The following RNF150 variants were observed in gnomAD, a reference collection of about 807,000 sequenced individuals.
The protein encoded by RNF150 is ring finger protein 150.
A neutral mutation model predicts 39.3 loss-of-function variants in RNF150; 24 were observed. The ratio of observed to expected loss-of-function variants is 0.61; its 90% CI spans 0.44 to 0.86. The LOEUF (loss-of-function observed/expected upper bound fraction) is 0.86, where lower values mean the gene tolerates loss of function less well. Ranked by LOEUF, RNF150 falls within the 40% of genes least tolerant of loss-of-function variation. RNF150 has a pLI of 0.00. For missense variants in RNF150, 502 were observed against 587.8 expected (o/e 0.85, Z 1.51); for synonymous variants, 255 against 227.3 (o/e 1.12, Z -1.10).
At chr4:141,070,281 G>C (rs1029895014) in intron 1 of RNF150, among the ~76,000 whole-genome samples, 22 of 152,084 alleles carry the variant, frequency 1.4e-4, no homozygotes, top group Non-Finnish European at 2.8e-4. Context: ...AAAAACCTTA[G>C]AAGAAAACCT....
At chr4:140,940,262 T>C (rs1009761131) in intron 4 of RNF150, among the ~76,000 whole-genome samples, 3 of 152,216 alleles carry the variant, frequency 2.0e-5, no homozygotes, top group Non-Finnish European at 2.9e-5. Context: ...GCTCCTTGTA[T>C]ACAACTTTAT....
chr4:141,078,230 T>A (rs1041533986), intron 1 of RNF150, among the ~76,000 whole-genome samples: 1 of 152,118 alleles, frequency 6.6e-6, no homozygotes, highest in Non-Finnish European at 1.5e-5. Context: ...TGGGGTAAAT[T>A]GTGAATGGTG....
intron 5 of RNF150, among the ~76,000 whole-genome samples, chr4:140,917,011 C>T (rs1339255948): frequency 6.6e-6 from 1 of 152,130 alleles, no homozygotes; most frequent in African/African-American, 2.4e-5. Context: ...TTGTCACCAC[C>T]AGGCCTGCCC....
intron 1 of RNF150, among the ~76,000 whole-genome samples, chr4:141,170,144 A>T (rs1727685323): frequency 6.6e-6 from 1 of 152,198 alleles, no homozygotes; most frequent in Non-Finnish European, 1.5e-5. Context: ...GGAGATACTG[A>T]ATCAAATTTA....
intron 4 of RNF150, among the ~76,000 whole-genome samples, chr4:140,931,701 CAA>C (rs1407390209): frequency 6.6e-6 from 1 of 152,176 alleles, no homozygotes; most frequent in Non-Finnish European, 1.5e-5. Context: ...GGAAATACAA[CAA>C]AGAGTTGGCC....
chr4:141,206,045 C>A (rs898081067), intron 1 of RNF150, among the ~76,000 whole-genome samples: 1 of 152,158 alleles, frequency 6.6e-6, no homozygotes, highest in African/African-American at 2.4e-5. Context: ...CTTCCTAAAG[C>A]CACCTTGGGG....
At chr4:141,085,877 C>T (rs1738344049) in intron 1 of RNF150, among the ~76,000 whole-genome samples, 1 of 152,014 alleles carries the variant, frequency 6.6e-6, no homozygotes, top group Admixed American at 6.6e-5. Context: ...GAAGAAAAAT[C>T]ATTTTTAAAA....
intron 1 of RNF150, among the ~76,000 whole-genome samples, chr4:141,165,606 C>G (rs1478233433): frequency 6.6e-6 from 1 of 152,178 alleles, no homozygotes; most frequent in Non-Finnish European, 1.5e-5. Flanking sequence ...GTCTCTCAGA[C>G]CACAGGGCAA....
chr4:141,004,579 C>T (rs1284790376), intron 1 of RNF150, among the ~76,000 whole-genome samples: 1 of 152,118 alleles, frequency 6.6e-6, no homozygotes, highest in African/African-American at 2.4e-5. Flanking sequence ...GAGAACTCTC[C>T]CATAAGAGGC....
At chr4:141,120,500 A>G (rs1726572326) in intron 1 of RNF150, among the ~76,000 whole-genome samples, 1 of 152,236 alleles carries the variant, frequency 6.6e-6, no homozygotes, top group African/African-American at 2.4e-5. Context: ...TACAAGTGGC[A>G]TAGCAAACTG....
At position 141,147,671 on chromosome 4, in the gene RNF150, C is replaced by CAACAGT. The variant is rs199603930; in HGVS notation, c.-6+65117_-6+65122dup. ...CCCAAACTTAGGCAGACTAATCCCT[C>CAACAGT]AACAGTAACAGCTCATTCCTACAAG... On this transcript the variant is annotated intron_variant, in intron 1 of 7. Coordinates refer to the RNF150 transcript ENST00000420921. Among the ~76,000 whole-genome samples the CAACAGT allele has an allele frequency of 6.0e-3, 919 of 152,242 alleles. 28 individuals are homozygous for CAACAGT. The highest frequency in any genetic ancestry group is 0.055 in the Admixed American group (840 of 15,278).
chr4:141,198,628 A>G (rs1378380026), intron 1 of RNF150, among the ~76,000 whole-genome samples: 2 of 152,234 alleles, frequency 1.3e-5, no homozygotes, highest in Non-Finnish European at 2.9e-5. Context: ...GACCAGGACT[A>G]AACAGAAGTA....
At chr4:140,938,107 AT>A (rs907153756) in intron 4 of RNF150, among the ~76,000 whole-genome samples, 1 of 151,286 alleles carries the variant, frequency 6.6e-6, no homozygotes, top group Non-Finnish European at 1.5e-5. Flanking sequence ...TTCTGTAAAC[AT>A]TTTTTTTTAC....
intron 1 of RNF150, among the ~76,000 whole-genome samples, chr4:141,026,519 T>C (rs771080173): frequency 4.6e-5 from 7 of 152,108 alleles, no homozygotes; most frequent in Non-Finnish European, 1.0e-4. Context: ...GGCCAAGGAA[T>C]TTAGGTGGGG....
At chr4:141,088,410 G>C (rs1238171800) in intron 1 of RNF150, among the ~76,000 whole-genome samples, 1 of 152,190 alleles carries the variant, frequency 6.6e-6, no homozygotes, top group Non-Finnish European at 1.5e-5. Flanking sequence ...GGGCTTGAAA[G>C]AACCTGAACC....
At chr4:141,147,364 A>T (rs354938) in intron 1 of RNF150, among the ~76,000 whole-genome samples, 10 of 152,088 alleles carry the variant, frequency 6.6e-5, no homozygotes, top group African/African-American at 2.4e-4. Context: ...TCAAAGTCTG[A>T]TGCTGAAGTT....
chr4:141,150,970 C>T (rs937924145), intron 1 of RNF150, among the ~76,000 whole-genome samples: 1 of 151,990 alleles, frequency 6.6e-6, no homozygotes, highest in Non-Finnish European at 1.5e-5. Flanking sequence ...CTTTGTCACC[C>T]AGGGAGGCTG....
At chr4:141,119,912 C>G (rs974492706) in intron 1 of RNF150, among the ~76,000 whole-genome samples, 1 of 152,196 alleles carries the variant, frequency 6.6e-6, no homozygotes, top group Non-Finnish European at 1.5e-5. Context: ...AGTTTTTAAG[C>G]ATTCAAATTA....
chr4:140,962,888 C>A (rs965119428), intron 2 of RNF150, among the ~76,000 whole-genome samples: 2 of 151,864 alleles, frequency 1.3e-5, no homozygotes, highest in African/African-American at 2.4e-5. Context: ...CCATAAAAAT[C>A]ATGTTTTTGA....
Sources: gnomAD v4.1 joint callset for allele counts (sites outside exome capture counted in the v4.1 genomes callset) on GRCh38, gnomAD v4.1.1 for gene constraint, MANE v1.5 for transcripts, NCBI Gene and HGNC (gene_info 2026-07-23, HGNC 2026-07-21) for gene names.